CDC42SE2: variants seen among roughly 807,000 people sequenced by gnomAD.
CDC42SE2 encodes the protein CDC42 small effector protein 2.
In CDC42SE2, 3 loss-of-function variants were observed where a neutral mutation model predicts 11.5. That is an observed-to-expected ratio of 0.26 (90% CI 0.12 to 0.67). The LOEUF is 0.67. CDC42SE2 is among the 30% of genes least tolerant of loss of function. CDC42SE2 has a pLI of 0.80. For missense variants in CDC42SE2, 82 were observed against 106.8 expected (o/e 0.77, Z 1.02); for synonymous variants, 33 against 34.8 (o/e 0.95, Z 0.18).
At chr5:131,355,706 AAAAAAACCTAG>A (rs59505601) in intron 2 of CDC42SE2, among the ~76,000 whole-genome samples, 35,585 of 152,016 alleles carry the variant, frequency 0.23, 4,493 homozygotes, top group East Asian at 0.49. Flanking sequence ...TAGATTAAAA[AAAAAAACCTAG>A]TTACCTGACA....
At chr5:131,332,932 G>A (rs1176931189) in intron 2 of CDC42SE2, among the ~76,000 whole-genome samples, 1 of 152,128 alleles carries the variant, frequency 6.6e-6, no homozygotes, top group Non-Finnish European at 1.5e-5. Flanking sequence ...TGTTCACTCT[G>A]ATGGTGGTTT....
At chr5:131,374,528 C>CAAAAAAAAAAAAA (rs11311226) in intron 3 of CDC42SE2, among the ~76,000 whole-genome samples, 1 of 70,598 alleles carries the variant, frequency 1.4e-5, no homozygotes, top group Non-Finnish European at 3.0e-5. Flanking sequence ...GAGACTGTCT[C>CAAAAAAAAAAAAA]AAAAAAAAAA....
At position 131,351,650 on chromosome 5, in the gene CDC42SE2, A is replaced by T. The variant is rs112527859; in HGVS notation, c.-285-7559A>T. On this transcript the variant is annotated intron_variant, in intron 2 of 4. Coordinates refer to ENST00000505065, the MANE Select transcript of CDC42SE2 (RefSeq NM_001375635.1). Reference sequence around the variant, plus strand: ...AACAACTGGATATCCATATTTTTTTAAAAAATAGCCTTTATACTGTCAAAA... The same window carrying T: ...AACAACTGGATATCCATATTTTTTTTAAAAATAGCCTTTATACTGTCAAAA... Among the ~76,000 whole-genome samples the T allele has an allele frequency of 5.7e-3, 875 of 152,322 alleles. 15 individuals are homozygous for T. Among genetic ancestry groups the T allele is most frequent in the African/African-American group, 0.019 (782 of 41,566 alleles).
the CDC42SE2 span, among the ~76,000 whole-genome samples, chr5:131,234,309 A>C: frequency 6.6e-6 from 1 of 152,186 alleles, no homozygotes; most frequent in Admixed American, 6.5e-5. Flanking sequence ...GGATAAACAG[A>C]ATCAATAGGA....
At chr5:131,236,100 T>C in the CDC42SE2 span, among the ~76,000 whole-genome samples, 1 of 152,248 alleles carries the variant, frequency 6.6e-6, no homozygotes, top group Non-Finnish European at 1.5e-5. Flanking sequence ...TAGCTTTTTT[T>C]CTTGTGTTTA....
chr5:131,246,761 C>CTTTTTTT (rs71000981), intron 1 of CDC42SE2, among the ~76,000 whole-genome samples: 1 of 124,480 alleles, frequency 8.0e-6, no homozygotes, highest in Non-Finnish European at 1.6e-5. Context: ...CACTCAAATC[C>CTTTTTTT]TTTTTTTTTT....
intron 2 of CDC42SE2, among the ~76,000 whole-genome samples, chr5:131,319,183 G>A (rs1758109393): frequency 6.6e-6 from 1 of 152,136 alleles, no homozygotes; most frequent in Admixed American, 6.5e-5. Flanking sequence ...GGGATGAGTT[G>A]GGGGTGTAAG....
chr5:131,314,865 C>T (rs1462822150), intron 1 of CDC42SE2, among the ~76,000 whole-genome samples: 1 of 151,968 alleles, frequency 6.6e-6, no homozygotes, highest in Non-Finnish European at 1.5e-5. Context: ...AATATGGAAC[C>T]TTGACACTTC....
intron 2 of CDC42SE2, among the ~76,000 whole-genome samples, chr5:131,346,216 T>C (rs1758840021): frequency 6.6e-6 from 1 of 152,028 alleles, no homozygotes; most frequent in East Asian, 1.9e-4. Context: ...GCAAATTGGA[T>C]AAAGAGTCAA....
intron 1 of CDC42SE2, among the ~76,000 whole-genome samples, chr5:131,293,242 A>G (rs1408161862): frequency 6.6e-6 from 1 of 152,126 alleles, no homozygotes; most frequent in Non-Finnish European, 1.5e-5. Flanking sequence ...CCCTTCTACC[A>G]TGTGAAGATA....
At chr5:131,358,371 C>T (rs1749613969) in intron 2 of CDC42SE2, among the ~76,000 whole-genome samples, 1 of 152,152 alleles carries the variant, frequency 6.6e-6, no homozygotes, top group South Asian at 2.1e-4. Flanking sequence ...TTGATGTCAT[C>T]TTGACTTCCC....
Position 131,274,824 on chromosome 5 carries a change from C to T in CDC42SE2, c.-455+10658C>T, listed in dbSNP as rs79795145. On this transcript the variant is annotated intron_variant, in intron 1 of 4. Transcript: ENST00000505065. Reference sequence around the variant, plus strand: ...TTTAGTGCTAGTAGGAATAGAGCTTCGTTTTATTCACTGCAGAATCCCCAG... The same window carrying T: ...TTTAGTGCTAGTAGGAATAGAGCTTTGTTTTATTCACTGCAGAATCCCCAG... Among the ~76,000 whole-genome samples the T allele has an allele frequency of 1.2e-4, 18 of 152,160 alleles. No homozygotes were observed. In the East Asian group the frequency reaches 2.9e-3, roughly 24 times the overall value.
intron 2 of CDC42SE2, among the ~76,000 whole-genome samples, chr5:131,320,111 G>A (rs1404966168): frequency 6.7e-5 from 10 of 150,058 alleles, no homozygotes; most frequent in East Asian, 2.0e-4. Flanking sequence ...TAGGCTGGGC[G>A]TGGTGGCTAA....
chr5:131,368,941 A>T (rs772968809), intron 3 of CDC42SE2, among the ~76,000 whole-genome samples: 1 of 152,268 alleles, frequency 6.6e-6, no homozygotes, highest in Admixed American at 6.5e-5. Context: ...TATAAAAGTT[A>T]TGAAACAAAT....
chr5:131,230,468 T>G, the CDC42SE2 span, among the ~76,000 whole-genome samples: 1 of 152,180 alleles, frequency 6.6e-6, no homozygotes, highest in Non-Finnish European at 1.5e-5. Context: ...TGAAAAATGG[T>G]GTCACTCCAA....
At chr5:131,294,604 C>T (rs1013887742) in intron 1 of CDC42SE2, among the ~76,000 whole-genome samples, 25 of 152,040 alleles carry the variant, frequency 1.6e-4, no homozygotes, top group Admixed American at 1.1e-3. Context: ...AAAAATAAAG[C>T]ATGGGAGGGA....
At chr5:131,357,919 C>T (rs556315646) in intron 2 of CDC42SE2, among the ~76,000 whole-genome samples, 2 of 152,310 alleles carry the variant, frequency 1.3e-5, no homozygotes, top group South Asian at 4.1e-4. Context: ...CTCAGTCTTT[C>T]CTATCTCAGT....
At chr5:131,276,635 G>A (rs560728282) in intron 1 of CDC42SE2, among the ~76,000 whole-genome samples, 1 of 151,920 alleles carries the variant, frequency 6.6e-6, no homozygotes, top group South Asian at 2.1e-4. Flanking sequence ...CTTTCATATC[G>A]CCACAATGTG....
At chr5:131,340,004 G>A (rs1348192193) in intron 2 of CDC42SE2, among the ~76,000 whole-genome samples, 1 of 152,020 alleles carries the variant, frequency 6.6e-6, no homozygotes, top group African/African-American at 2.4e-5. Flanking sequence ...CACAAAAAAA[G>A]AATTTTGTAT....
Sources: gnomAD v4.1 joint callset for allele counts (sites outside exome capture counted in the v4.1 genomes callset) on GRCh38, gnomAD v4.1.1 for gene constraint, MANE v1.5 for transcripts, NCBI Gene and HGNC (gene_info 2026-07-23, HGNC 2026-07-21) for gene names.